Variants in ABCA13 observed in about 807,000 individuals in gnomAD.
The protein encoded by ABCA13 is ATP-binding cassette sub-family A member 13.
ABCA13 carries 476 observed loss-of-function variants against 478.7 expected under a neutral mutation model. That is an observed-to-expected ratio of 0.99 (90% confidence interval 0.92 to 1.07). The LOEUF is 1.07. ABCA13 is among the 50% of genes least tolerant of loss of function. The pLI, the probability that ABCA13 is intolerant of heterozygous loss-of-function variation, is 0.00. For missense variants in ABCA13, 6,060 were observed against 5,910.6 expected (o/e 1.03, Z -0.83); for synonymous variants, 2,252 against 2,158.9 (o/e 1.04, Z -1.20).
At chr7:48,511,700 T>C (rs190609302) in intron 51 of ABCA13, among the ~76,000 whole-genome samples, 16 of 152,332 alleles carry the variant, frequency 1.1e-4, no homozygotes, top group Admixed American at 5.9e-4. Flanking sequence ...GATTTATGCA[T>C]GCTAGTCAGG....
Position 48,268,907 on chromosome 7 carries a change from G to A in ABCA13, c.2006-73G>A, listed in dbSNP as rs117654813. ...CAACCATATTAGGTGAACTACTCTA[G>A]CATTTTTCACTTTATTAGATTTGTC... On this transcript the variant is annotated intron_variant, in intron 15 of 61. Coordinates refer to ENST00000435803, the MANE Select transcript of ABCA13 (RefSeq NM_152701.5). The A allele has an allele frequency of 9.3e-3, 5,256 of 562,724 alleles. 28 individuals carry two copies. Among genetic ancestry groups the A allele is most frequent in the Non-Finnish European group, 0.013 (4,124 of 327,020 alleles). 34.9% of individuals were successfully genotyped at this position (562,724 alleles called of 1,614,324 possible). A position where few individuals can be genotyped will look rare whatever the true frequency, so the allele number is the denominator to read the frequency against.
At chr7:48,200,524 TAGTC>T (rs1386823703) in intron 3 of ABCA13, among the ~76,000 whole-genome samples, 2 of 152,206 alleles carry the variant, frequency 1.3e-5, no homozygotes, top group Admixed American at 6.5e-5. Context: ...CTGAGAGTGG[TAGTC>T]AGGTTAATAG....
At chr7:48,479,154 G>A (rs928851056) in intron 45 of ABCA13, among the ~76,000 whole-genome samples, 1 of 151,772 alleles carries the variant, frequency 6.6e-6, no homozygotes, top group Admixed American at 6.6e-5. Flanking sequence ...GTTTCACCGT[G>A]TTAGCCAGGA....
intron 3 of ABCA13, among the ~76,000 whole-genome samples, chr7:48,207,749 G>C (rs1363401608): frequency 6.6e-6 from 1 of 152,020 alleles, no homozygotes; most frequent in Non-Finnish European, 1.5e-5. Context: ...TCTGCGAGTT[G>C]TTTCTTAACT....
chr7:48,469,154 C>T (rs545149099), intron 44 of ABCA13, among the ~76,000 whole-genome samples: 42 of 152,252 alleles, frequency 2.8e-4, no homozygotes, highest in South Asian at 1.0e-3. Context: ...AAACTTAAAA[C>T]GCCAAGTGGG....
At chr7:48,375,834 T>C (rs2117091) in intron 34 of ABCA13, among the ~76,000 whole-genome samples, 36,906 of 151,982 alleles carry the variant, frequency 0.24, 5,016 homozygotes, top group African/African-American at 0.37. Context: ...AAACAAAAAA[T>C]GGAAACTGTT....
At chr7:48,372,083 T>C in intron 32 of ABCA13, 85 bp from the exon 33 acceptor site, 2 of 1,333,110 alleles carry the variant, frequency 1.5e-6, no homozygotes, top group East Asian at 2.5e-5. Flanking sequence ...TTTCCACTGG[T>C]CCACCTTCTT....
At chr7:48,193,155 G>A in intron 2 of ABCA13, 103 bp downstream of exon 2, 1 of 786,506 alleles carries the variant, frequency 1.3e-6, no homozygotes, top group Non-Finnish European at 2.0e-6. Context: ...TGAGTGAAAT[G>A]AATAGATAGG....
chr7:48,301,139 C>T (rs1053296031), intron 23 of ABCA13, among the ~76,000 whole-genome samples: 11 of 152,290 alleles, frequency 7.2e-5, no homozygotes, highest in African/African-American at 2.4e-4. Flanking sequence ...GATTCATTCT[C>T]CCCGCGCCAC....
At chr7:48,576,866 ACAT>A (rs145547588) in intron 55 of ABCA13, among the ~76,000 whole-genome samples, 5,195 of 152,230 alleles carry the variant, frequency 0.034, 308 homozygotes, top group African/African-American at 0.12. Context: ...AAAGAAATAG[ACAT>A]CATCCAAACT....
intron 48 of ABCA13, among the ~76,000 whole-genome samples, chr7:48,498,605 A>G (rs1830473393): frequency 6.6e-6 from 1 of 152,164 alleles, no homozygotes. Flanking sequence ...TCAAAGGCAA[A>G]GAATAATAGA....
intron 3 of ABCA13, among the ~76,000 whole-genome samples, chr7:48,203,069 C>G (rs921835274): frequency 6.6e-6 from 1 of 152,240 alleles, no homozygotes; most frequent in African/African-American, 2.4e-5. Context: ...GGGAAGGCAG[C>G]TAAGGCCCGG....
chr7:48,369,477 T>C (rs2129020025), intron 32 of ABCA13, among the ~76,000 whole-genome samples: 1 of 152,262 alleles, frequency 6.6e-6, no homozygotes, highest in Non-Finnish European at 1.5e-5. Context: ...AGCCAATGTA[T>C]AGAAGGGTTT....
At position 48,313,849 on chromosome 7, in the gene ABCA13, T is replaced by C. The variant is rs922395828; in HGVS notation, c.9682-383T>C. 4.6e-5 allele frequency among the ~76,000 whole-genome samples: 7 copies of C among 152,330 alleles called. No individual in the cohort carries two copies. In the East Asian group the frequency reaches 1.4e-3, roughly 29 times the overall value. On this transcript the variant is annotated intron_variant, in intron 25 of 61. Transcript: ENST00000435803. ...TCCATCATGTGATAGATAATTTGTA[T>C]AGCTATAAAATATCTGGATATCTTG...
intron 41 of ABCA13, 99 bp downstream of exon 41, chr7:48,412,682 G>T (rs1461087036): frequency 2.3e-6 from 2 of 853,132 alleles, no homozygotes; most frequent in Non-Finnish European, 3.3e-6. Context: ...ATGTGGGTAA[G>T]GGGGAGGAGT....
intron 54 of ABCA13, among the ~76,000 whole-genome samples, chr7:48,524,930 C>T (rs1832788806): frequency 6.6e-6 from 1 of 152,122 alleles, no homozygotes; most frequent in African/African-American, 2.4e-5. Flanking sequence ...TCAGAACTGA[C>T]AGAAGCCATA....
At position 48,444,326 on chromosome 7, in the gene ABCA13, C is replaced by T. The variant is rs764884258; in HGVS notation, c.12566-10711C>T. Among the ~76,000 whole-genome samples, 5 of 152,226 alleles carry T rather than the reference C, an allele frequency of 3.3e-5. 1 individual carries two copies. Among genetic ancestry groups the T allele is most frequent in the East Asian group, 1.9e-4 (1 of 5,164 alleles). The stretch of plus-strand genomic sequence containing the variant: ...TGTGGAGACAAGCTGTGACTTGCAT[C>T]GTCGTCTCTCACTTGAGCCTCGGTC... On this transcript the variant is annotated intron_variant, in intron 42 of 61. Coordinates refer to ENST00000435803, the MANE Select transcript of ABCA13 (RefSeq NM_152701.5).
At chr7:48,185,309 C>T (rs1796214634) in intron 1 of ABCA13, among the ~76,000 whole-genome samples, 1 of 152,170 alleles carries the variant, frequency 6.6e-6, no homozygotes, top group African/African-American at 2.4e-5. Flanking sequence ...GTTTTAATTA[C>T]TATTACAGAA....
chr7:48,454,340 T>C (rs1477033502), intron 42 of ABCA13, among the ~76,000 whole-genome samples: 7 of 152,230 alleles, frequency 4.6e-5, no homozygotes, highest in Non-Finnish European at 1.0e-4. Flanking sequence ...CCAGGAGATT[T>C]ACTGAGATTC....
Sources: allele counts gnomAD v4.1 joint callset (sites outside exome capture counted in the v4.1 genomes callset), GRCh38; gene constraint gnomAD v4.1.1; transcripts MANE v1.5; gene names NCBI Gene and HGNC (gene_info 2026-07-23, HGNC 2026-07-21).